The following AFP variants were observed in gnomAD, a reference collection of about 807,000 sequenced individuals.
The protein encoded by AFP is alpha-fetoprotein.
In AFP, 64 loss-of-function variants were observed where a neutral mutation model predicts 78.9. The ratio of observed to expected loss-of-function variants is 0.81; its 90% CI spans 0.66 to 1.00. AFP has a LOEUF of 1.00. Among genes scored for constraint, AFP ranks in the 50% least tolerant of loss-of-function variants. The pLI is 0.00. For synonymous variants in AFP, 254 were observed against 243.8 expected, an observed-to-expected ratio of 1.04 and a Z score of -0.39; for missense variants, 689 against 703.8, an observed-to-expected ratio of 0.98 and a Z score of 0.24.
chr4:73,451,563 T>C (rs1011166633), intron 11 of AFP, among the ~76,000 whole-genome samples: 9 of 152,214 alleles, frequency 5.9e-5, no homozygotes, highest in African/African-American at 2.2e-4. Flanking sequence ...GCTGGGAGGC[T>C]GCAGGGATGC....
chr4:73,454,254 GT>G (rs2149337410), intron 13 of AFP, among the ~76,000 whole-genome samples: 1 of 152,080 alleles, frequency 6.6e-6, no homozygotes, highest in African/African-American at 2.4e-5. Context: ...CAAATTAATT[GT>G]GCAAACAGAG....
At chr4:73,449,531 CTGTT>C (rs777307383) in intron 9 of AFP, 64 bp downstream of exon 9, 230 of 1,588,402 alleles carry the variant, frequency 1.4e-4, no homozygotes, top group Non-Finnish European at 1.8e-4. Context: ...GTTAAAAATG[CTGTT>C]TGTTTGAAAG....
intron 4 of AFP, among the ~76,000 whole-genome samples, chr4:73,441,082 T>G (rs1489721859): frequency 6.6e-6 from 1 of 152,050 alleles, no homozygotes; most frequent in Non-Finnish European, 1.5e-5. Flanking sequence ...CTTTTTTTTT[T>G]CTTTTTACCC....
intron 13 of AFP, among the ~76,000 whole-genome samples, chr4:73,454,331 A>G (rs1720099365): frequency 6.6e-6 from 1 of 152,048 alleles, no homozygotes; most frequent in African/African-American, 2.4e-5. Flanking sequence ...GTACATCAAC[A>G]GAGTAGTATT....
chr4:73,448,454 C>T (rs568646462), intron 8 of AFP, among the ~76,000 whole-genome samples: 1 of 152,234 alleles, frequency 6.6e-6, no homozygotes, highest in East Asian at 1.9e-4. Context: ...CCAATTTTCT[C>T]TTTAATATTG....
chr4:73,453,661 T>G (rs759246894), intron 12 of AFP, 104 bp from the exon 13 acceptor site: 85 of 1,346,240 alleles, frequency 6.3e-5, no homozygotes, highest in Admixed American at 3.0e-4. Flanking sequence ...GATAGGTTGA[T>G]GGAGTAAGGG....
intron 8 of AFP, among the ~76,000 whole-genome samples, chr4:73,448,840 G>T (rs1007976274): frequency 6.6e-6 from 1 of 152,110 alleles, no homozygotes; most frequent in African/African-American, 2.4e-5. Context: ...CACATTCAAA[G>T]TTAGTGGCCT....
intron 8 of AFP, among the ~76,000 whole-genome samples, chr4:73,447,882 A>G (rs1365752155): frequency 6.6e-6 from 1 of 152,146 alleles, no homozygotes; most frequent in Admixed American, 6.5e-5. Flanking sequence ...TGAAGCGTTC[A>G]CCACTGTGAC....
At chr4:73,455,173 T>C in intron 13 of AFP, 63 bp from the exon 14 acceptor site, 1 of 1,275,566 alleles carries the variant, frequency 7.8e-7, no homozygotes, top group Non-Finnish European at 1.1e-6. Flanking sequence ...TGTAGAGTGT[T>C]AACTGTATGA....
intron 8 of AFP, among the ~76,000 whole-genome samples, chr4:73,448,853 C>T (rs1324348640): frequency 6.6e-6 from 1 of 152,086 alleles, no homozygotes; most frequent in Non-Finnish European, 1.5e-5. Flanking sequence ...AGTGGCCTCT[C>T]CACCTTGGGT....
chr4:73,440,939 C>A (rs1414166003), intron 4 of AFP, 126 bp downstream of exon 4: 2 of 939,756 alleles, frequency 2.1e-6, no homozygotes, highest in East Asian at 5.3e-5. Context: ...GGTGTTGTGT[C>A]TGCTGAGGTC....
intron 14 of AFP, 131 bp downstream of exon 14, chr4:73,455,421 T>G: frequency 1.2e-6 from 1 of 800,404 alleles, no homozygotes; most frequent in Non-Finnish European, 2.1e-6. Flanking sequence ...AAGTTTATTT[T>G]AAAAACACTT....
chr4:73,440,231 G>A (rs560311178), intron 3 of AFP, among the ~76,000 whole-genome samples: 2 of 152,052 alleles, frequency 1.3e-5, no homozygotes, highest in East Asian at 1.9e-4. Context: ...CTCCCTGACA[G>A]GCCCCAGTGT....
chr4:73,443,700 G>A (rs1029618487), intron 6 of AFP, among the ~76,000 whole-genome samples: 2 of 152,100 alleles, frequency 1.3e-5, no homozygotes. Context: ...TTATTTACCT[G>A]TTCTTTAAGA....
At chr4:73,449,531 C>T in intron 9 of AFP, 64 bp downstream of exon 9, 1 of 1,588,522 alleles carries the variant, frequency 6.3e-7, no homozygotes, top group Non-Finnish European at 8.6e-7. Flanking sequence ...GTTAAAAATG[C>T]TGTTTGTTTG....
In AFP at chr4:73,453,860, G is replaced by T; in HGVS notation, c.1748G>T (p.Cys583Phe). Reference protein sequence around the residue: ...ADFSGLLEKCCQGQEQEVCFA... With the variant: ...ADFSGLLEKCFQGQEQEVCFA... ...TTCTCAGGCCTGTTGGAGAAATGCT[G>T]CCAAGGCCAGGAACAGGAAGTCTGC... The change falls in exon 13 of 15, where the codon TGC becomes TTC. Residue 583 changes from cysteine to phenylalanine, a missense_variant. Coordinates refer to ENST00000395792, the MANE Select transcript of AFP (RefSeq NM_001134.3). The T allele has an allele frequency of 6.2e-7, 1 of 1,613,792 alleles. No homozygotes were observed. The highest frequency in any genetic ancestry group is 8.5e-7 in the Non-Finnish European group (1 of 1,179,756).
rs746056920 is a variant in AFP, at chr4:73,450,645, C to A, written c.1320C>A (p.Pro440=). The A allele has an allele frequency of 6.2e-7, 1 of 1,614,160 alleles. No homozygotes were observed. Among genetic ancestry groups the A allele is most frequent in the Non-Finnish European group, 8.5e-7 (1 of 1,180,022 alleles). ...TCGTTGCTTACACAAAGAAAGCCCC[C>A]CAGCTGACCTCGTCGGAGCTGATGG... ...AFLVAYTKKA[P]QLTSSELMAI... is the part of the protein sequence containing the mutation. Residue 440 remains proline, a synonymous_variant, in exon 11 of 15, where the codon CCC becomes CCA. Coordinates refer to ENST00000395792, the MANE Select transcript of AFP (RefSeq NM_001134.3).
rs41265657 is a variant in AFP, at chr4:73,445,051, C to G, written c.772C>G (p.Leu258Val). Residue 258 changes from leucine to valine, a missense_variant, in exon 7 of 15, where the codon CTA becomes GTA. Physicochemically the swap from Leu to Val is conservative, Grantham distance 32 (BLOSUM62 1). Coordinates refer to ENST00000395792, the MANE Select transcript of AFP (RefSeq NM_001134.3). The stretch of plus-strand genomic sequence containing the variant: ...AGTTAATTTTACTGAAATCCAGAAA[C>G]TAGTCCTGGATGTGGCCCATGTACA... ...TKVNFTEIQK[L>V]VLDVAHVHEH... 29,788 of 1,613,398 alleles carry G rather than the reference C, an allele frequency of 0.018. 342 individuals carry two copies. Among genetic ancestry groups the G allele is most frequent in the Middle Eastern group, 0.033 (201 of 6,062 alleles).
chr4:73,442,185 T>TTTG (rs1170454570), intron 4 of AFP, 111 bp from the exon 5 acceptor site: 1 of 1,095,936 alleles, frequency 9.1e-7, no homozygotes, highest in Non-Finnish European at 1.3e-6. Flanking sequence ...TCAAATGCAT[T>TTTG]TTGTTGTTGT....
Sources: allele counts gnomAD v4.1 joint callset (sites outside exome capture counted in the v4.1 genomes callset), GRCh38; gene constraint gnomAD v4.1.1; transcripts MANE v1.5; gene names NCBI Gene and HGNC (gene_info 2026-07-23, HGNC 2026-07-21).